The following MYRIP variants were observed in gnomAD, a reference collection of about 807,000 sequenced individuals.
The protein encoded by MYRIP is myosin VIIA and Rab interacting protein.
Under a neutral mutation model 98.0 loss-of-function variants are expected in MYRIP, and 49 were observed. The ratio of observed to expected loss-of-function variants is 0.50; its 90% CI spans 0.40 to 0.63. The LOEUF (loss-of-function observed/expected upper bound fraction) is 0.63, where lower values mean the gene tolerates loss of function less well. Ranked by LOEUF, MYRIP falls within the 30% of genes least tolerant of loss-of-function variation. The probability of loss-of-function intolerance (pLI) is 0.00; values close to 1 mark genes in which losing one functional copy is unlikely to be tolerated. For missense variants in MYRIP, 1,004 were observed against 1,058.2 expected (o/e 0.95, Z 0.71); for synonymous variants, 404 against 409.5 (o/e 0.99, Z 0.16).
At chr3:39,832,792 A>G (rs1027006605) in intron 1 of MYRIP, among the ~76,000 whole-genome samples, 5 of 152,298 alleles carry the variant, frequency 3.3e-5, no homozygotes, top group African/African-American at 4.8e-5. Context: ...CACTGTTTAT[A>G]TATTGCATTT....
At chr3:39,967,862 G>C (rs977806725) in intron 2 of MYRIP, among the ~76,000 whole-genome samples, 2 of 152,086 alleles carry the variant, frequency 1.3e-5, no homozygotes, top group Admixed American at 6.6e-5. Context: ...TCATATGCTT[G>C]TTGGCCACAC....
intron 1 of MYRIP, among the ~76,000 whole-genome samples, chr3:39,861,478 G>C (rs34879588): frequency 0.039 from 5,881 of 152,240 alleles, 187 homozygotes; most frequent in Non-Finnish European, 0.052. Flanking sequence ...TGCAACAGTG[G>C]TTCTTAACCA....
At chr3:40,186,244 C>T (rs1267917198) in intron 9 of MYRIP, among the ~76,000 whole-genome samples, 1 of 152,080 alleles carries the variant, frequency 6.6e-6, no homozygotes, top group Non-Finnish European at 1.5e-5. Flanking sequence ...TTCCTTTCTT[C>T]TCAGAGTGAG....
intron 8 of MYRIP, among the ~76,000 whole-genome samples, chr3:40,177,599 A>G (rs1286823602): frequency 1.3e-5 from 2 of 152,192 alleles, no homozygotes. Context: ...CGAATGCTCC[A>G]TTTTTAATTT....
chr3:39,982,136 C>A (rs1945910969), intron 2 of MYRIP, among the ~76,000 whole-genome samples: 1 of 152,110 alleles, frequency 6.6e-6, no homozygotes, highest in Admixed American at 6.6e-5. Context: ...GCAGACAGAG[C>A]AAAGTTAGAG....
intron 2 of MYRIP, among the ~76,000 whole-genome samples, chr3:39,976,488 G>A (rs1408810613): frequency 2.1e-4 from 32 of 152,112 alleles, no homozygotes; most frequent in Non-Finnish European, 3.1e-4. Flanking sequence ...TCAGTGTGGC[G>A]ATTCCTCAGG....
intron 11 of MYRIP, among the ~76,000 whole-genome samples, chr3:40,219,009 T>C (rs1952240611): frequency 6.6e-6 from 1 of 151,984 alleles, no homozygotes; most frequent in African/African-American, 2.4e-5. Context: ...TGAAACACAA[T>C]AGAAAATGCT....
chr3:39,869,390 A>G (rs1575323255), intron 1 of MYRIP, among the ~76,000 whole-genome samples: 1 of 152,298 alleles, frequency 6.6e-6, no homozygotes, highest in African/African-American at 2.4e-5. Flanking sequence ...TTTCAACTCC[A>G]GAATTTTAAT....
intron 3 of MYRIP, among the ~76,000 whole-genome samples, chr3:40,052,783 TAGA>T (rs1947817578): frequency 6.6e-6 from 1 of 152,138 alleles, no homozygotes; most frequent in African/African-American, 2.4e-5. Context: ...AATAAAATGG[TAGA>T]AGTAAGTTAG....
rs118095150 is a variant in MYRIP, at chr3:40,090,721, T to C, written c.332+46450T>C. Among the ~76,000 whole-genome samples, 27 of 152,360 alleles carry C rather than the reference T, an allele frequency of 1.8e-4. No individual in the cohort carries two copies. In the East Asian group the frequency reaches 5.2e-3, roughly 29 times the overall value. On this transcript the variant is annotated intron_variant, in intron 3 of 16. Coordinates refer to ENST00000302541, the MANE Select transcript of MYRIP (RefSeq NM_015460.4). ...ATATCTTTCAGAAATAAAAGGGTAG[T>C]AAATGCTGACATTTTATGCGGCATG...
At chr3:40,167,027 A>G in intron 6 of MYRIP, 84 bp downstream of exon 6, 4 of 1,373,610 alleles carry the variant, frequency 2.9e-6, no homozygotes, top group Non-Finnish European at 4.1e-6. Flanking sequence ...TTGTCAGGAA[A>G]TCAATGTCCC....
Position 40,030,865 on chromosome 3 carries a change from G to A in MYRIP, c.111-13185G>A, listed in dbSNP as rs540151121. Among the ~76,000 whole-genome samples, 7 of 152,232 alleles carry A rather than the reference G, an allele frequency of 4.6e-5. No individual in the cohort carries two copies. In the South Asian group the frequency reaches 8.3e-4, roughly 18 times the overall value. ...TGAATACTGAATTTCTTTTTGATGC[G>A]ATGAAAATGTTACGGAGTAAGACAG... On this transcript the variant is annotated intron_variant, in intron 2 of 16. Coordinates refer to ENST00000302541, the MANE Select transcript of MYRIP (RefSeq NM_015460.4).
At chr3:39,943,001 G>A (rs140986823) in intron 2 of MYRIP, among the ~76,000 whole-genome samples, 8 of 152,188 alleles carry the variant, frequency 5.3e-5, no homozygotes, top group South Asian at 4.1e-4. Flanking sequence ...TCTCTGGAGC[G>A]GCTTCCAGTT....
At chr3:40,246,255 T>G (rs1953200393) in intron 13 of MYRIP, among the ~76,000 whole-genome samples, 1 of 152,084 alleles carries the variant, frequency 6.6e-6, no homozygotes, top group Non-Finnish European at 1.5e-5. Flanking sequence ...TCACACTTTT[T>G]CCAAACAGGA....
chr3:40,161,749 G>C (rs1053498097), intron 4 of MYRIP, among the ~76,000 whole-genome samples: 3 of 150,864 alleles, frequency 2.0e-5, no homozygotes, highest in Admixed American at 2.0e-4. Flanking sequence ...TGCATTCAGG[G>C]CTTCCATTGC....
At chr3:39,849,690 T>G (rs1051582796) in intron 1 of MYRIP, among the ~76,000 whole-genome samples, 6 of 152,210 alleles carry the variant, frequency 3.9e-5, no homozygotes, top group Non-Finnish European at 7.3e-5. Flanking sequence ...CAGTTGCTAG[T>G]CCTCGGGTTT....
At chr3:39,997,368 C>T (rs1450365916) in intron 2 of MYRIP, among the ~76,000 whole-genome samples, 3 of 152,018 alleles carry the variant, frequency 2.0e-5, no homozygotes, top group South Asian at 2.1e-4. Flanking sequence ...ACCGATCCCA[C>T]AGAAATACAA....
intron 1 of MYRIP, among the ~76,000 whole-genome samples, chr3:39,823,990 C>T (rs1056567862): frequency 2.5e-4 from 38 of 152,026 alleles, no homozygotes; most frequent in African/African-American, 8.7e-4. Context: ...AGTTTTGTCT[C>T]TTACATTTAG....
chr3:40,159,723 T>G (rs1383525170), intron 4 of MYRIP, among the ~76,000 whole-genome samples: 2 of 152,194 alleles, frequency 1.3e-5, no homozygotes, highest in East Asian at 3.8e-4. Flanking sequence ...TAAACTTCCC[T>G]TCTCACTTCA....
Sources: allele counts gnomAD v4.1 joint callset (sites outside exome capture counted in the v4.1 genomes callset), GRCh38; gene constraint gnomAD v4.1.1; transcripts MANE v1.5; gene names NCBI Gene and HGNC (gene_info 2026-07-23, HGNC 2026-07-21).